Variants in SMARCAD1 observed in about 807,000 individuals in gnomAD.
The protein encoded by SMARCAD1 is SNF2 related chromatin remodeling ATPase with DExD box 1.
A neutral mutation model predicts 127.1 loss-of-function variants in SMARCAD1; 25 were observed. The ratio of observed to expected loss-of-function variants is 0.20; its 90% CI spans 0.14 to 0.27. The LOEUF (loss-of-function observed/expected upper bound fraction) is 0.27, where lower values mean the gene tolerates loss of function less well. SMARCAD1 is among the 10% of genes least tolerant of loss of function. The pLI, the probability that SMARCAD1 is intolerant of heterozygous loss-of-function variation, is 1.00. For synonymous variants in SMARCAD1, 400 were observed against 396.9 expected, an observed-to-expected ratio of 1.01 and a Z score of -0.09; for missense variants, 807 against 1,206.0, an observed-to-expected ratio of 0.67 and a Z score of 4.90.
intron 2 of SMARCAD1, chr4:94,213,088 A>G (rs1020048185): frequency 5.0e-5 from 65 of 1,288,280 alleles, no homozygotes; most frequent in Non-Finnish European, 6.4e-5. Flanking sequence ...AGATCCTACT[A>G]TATTTTATGA....
chr4:94,269,187 A>G (rs1752172131), intron 10 of SMARCAD1, among the ~76,000 whole-genome samples: 1 of 152,222 alleles, frequency 6.6e-6, no homozygotes, highest in Non-Finnish European at 1.5e-5. Context: ...TAAGATGGAC[A>G]TCATTCAACT....
chr4:94,227,273 T>C (rs1745174762), intron 3 of SMARCAD1, among the ~76,000 whole-genome samples: 3 of 152,162 alleles, frequency 2.0e-5, no homozygotes, highest in Non-Finnish European at 4.4e-5. Context: ...AAGGAGGGGC[T>C]TCATCACATT....
Position 94,240,983 on chromosome 4 carries a change from A to G in SMARCAD1, c.682A>G (p.Ile228Val), listed in dbSNP as rs764379408. 1.9e-6 allele frequency: 3 copies of G among 1,611,956 alleles called. No individual in the cohort carries two copies. Among genetic ancestry groups the G allele is most frequent in the East Asian group, 2.2e-5 (1 of 44,788 alleles). The change falls in exon 6 of 24, where the codon ATA (isoleucine) becomes GTA (valine). Residue 228 changes from isoleucine (I) to valine (V), a missense_variant. Physicochemically the swap from Ile to Val is conservative, Grantham distance 29. This residue lies in a region of SMARCAD1 where 257 missense variants were observed against 303.4 expected (regional missense o/e 0.85). Transcript: ENST00000354268. ...EEDEFNDDQS[I>V]KKTRLDHGEE... ...AGATGAATTTAATGATGATCAATCTATAAAAAAGACAAGACTGGATCATGT... is the reference window on the plus strand; with the variant it reads ...AGATGAATTTAATGATGATCAATCTGTAAAAAAGACAAGACTGGATCATGT...
chr4:94,264,391 C>T (rs1228970226), intron 9 of SMARCAD1: 1 of 223,732 alleles, frequency 4.5e-6, no homozygotes, highest in South Asian at 9.1e-5. Flanking sequence ...GAGATAGTAA[C>T]AATTACTTGT....
chr4:94,234,604 T>C (rs1746352548), intron 4 of SMARCAD1, among the ~76,000 whole-genome samples: 2 of 152,306 alleles, frequency 1.3e-5, no homozygotes, highest in South Asian at 4.1e-4. Flanking sequence ...CAAAGGAGTA[T>C]AGTTGAAATG....
chr4:94,243,327 T>A lies in SMARCAD1; in HGVS notation c.705+2321T>A, dbSNP rs186362543. ...TGCAGAAGCAGGTACCATGAGAGTC[T>A]GAGACATCTGCACATGCAATTTATT... is the stretch of plus-strand genomic sequence containing the variant. On this transcript the variant is annotated intron_variant, in intron 6 of 23. Transcript: ENST00000354268. 4.6e-3 allele frequency among the ~76,000 whole-genome samples: 694 copies of A among 152,340 alleles called. 2 individuals carry two copies. The highest frequency in any genetic ancestry group is 8.5e-3 in the Non-Finnish European group (579 of 68,032).
chr4:94,278,774 T>C, intron 18 of SMARCAD1, 41 bp downstream of exon 18: 1 of 1,598,596 alleles, frequency 6.3e-7, no homozygotes. Flanking sequence ...AAAAGAATCT[T>C]GTACTGGGGA....
chr4:94,278,353 G>A, intron 16 of SMARCAD1, 69 bp from the exon 17 acceptor site: 3 of 1,330,024 alleles, frequency 2.3e-6, no homozygotes, highest in East Asian at 4.6e-5. Context: ...TTTATGTTGT[G>A]TAATAATACT....
rs749358298 is a variant in SMARCAD1, at chr4:94,233,911, A to G, written c.369-43A>G. On this transcript the variant is annotated intron_variant, in intron 3 of 23. Coordinates refer to ENST00000354268, the MANE Select transcript of SMARCAD1 (RefSeq NM_020159.5). Reference sequence around the variant, plus strand: ...GACACTATAATGAAATAACATTAGTAATACATTAAAAATGTTTTTTGCTCC... The same window carrying G: ...GACACTATAATGAAATAACATTAGTGATACATTAAAAATGTTTTTTGCTCC... 5.7e-6 allele frequency: 9 copies of G among 1,587,944 alleles called. No homozygotes were observed. The African/African-American group carries it at 1.2e-4, about 21-fold the overall frequency.
intron 12 of SMARCAD1, 116 bp downstream of exon 12, chr4:94,273,832 G>T (rs1752884006): frequency 1.3e-6 from 1 of 771,512 alleles, no homozygotes; most frequent in African/African-American, 1.8e-5. Flanking sequence ...TTGTAGAGAT[G>T]AATATTAATT....
intron 9 of SMARCAD1, among the ~76,000 whole-genome samples, chr4:94,257,734 G>T (rs1750325446): frequency 6.6e-6 from 1 of 151,768 alleles, no homozygotes; most frequent in African/African-American, 2.4e-5. Flanking sequence ...TGCCCATGCT[G>T]CAGATAACTT....
rs1242908978 is a variant in SMARCAD1 at position 94,232,051 on chromosome 4, T to TG, written c.369-1899dup. ...TAATTGTTTTAATTTTTAGTGGAGA[T>TG]GGGGTTTCACCATGTTAGCCAGGCT... On this transcript the variant is annotated intron_variant, in intron 3 of 23. Transcript: ENST00000354268. Among the ~76,000 whole-genome samples the TG allele has an allele frequency of 3.9e-5, 6 of 152,086 alleles. 1 individual carries two copies.
intron 11 of SMARCAD1, 87 bp downstream of exon 11, chr4:94,270,905 T>G (rs1752454839): frequency 2.4e-6 from 3 of 1,244,648 alleles, no homozygotes; most frequent in Non-Finnish European, 2.3e-6. Flanking sequence ...AACTTTTTTT[T>G]GCTACTGTAG....
At chr4:94,272,163 AAGG>A (rs1752624591) in intron 11 of SMARCAD1, among the ~76,000 whole-genome samples, 1 of 152,134 alleles carries the variant, frequency 6.6e-6, no homozygotes, top group African/African-American at 2.4e-5. Context: ...TTCTTCTTAC[AAGG>A]ACAGTCATAT....
At chr4:94,237,736 C>T (rs1746908718) in intron 5 of SMARCAD1, among the ~76,000 whole-genome samples, 1 of 152,118 alleles carries the variant, frequency 6.6e-6, no homozygotes, top group African/African-American at 2.4e-5. Flanking sequence ...GATAGCTTCA[C>T]ATTCCTCTGT....
In SMARCAD1 at chr4:94,274,786, T is replaced by A. The variant is rs1347832446; in HGVS notation, c.1721T>A (p.Leu574His). ...VNLWCPTLKV[L>H]CYYGSQEERK... The stretch of plus-strand genomic sequence containing the variant: ...TTATGGTGCCCTACTTTGAAGGTCC[T>A]CTGTTACTATGGTAAGAATATGTCA... Residue 574 changes from leucine to histidine, a missense_variant, in exon 13 of 24, where the codon CTC becomes CAC. This residue lies in a region of SMARCAD1 where 148 missense variants were observed against 313.2 expected (regional missense o/e 0.47). Transcript: ENST00000354268. 1 of 1,613,774 alleles carries A rather than the reference T, an allele frequency of 6.2e-7. No individual in the cohort carries two copies. The highest frequency in any genetic ancestry group is 8.5e-7 in the Non-Finnish European group (1 of 1,179,802).
intron 20 of SMARCAD1, 46 bp from the exon 21 acceptor site, chr4:94,281,426 G>C: frequency 7.4e-7 from 1 of 1,354,842 alleles, no homozygotes. Context: ...GCTTTGAGTA[G>C]TAAAACGATT....
At chr4:94,232,940 A>G (rs1413817568) in intron 3 of SMARCAD1, among the ~76,000 whole-genome samples, 1 of 152,194 alleles carries the variant, frequency 6.6e-6, no homozygotes, top group Admixed American at 6.5e-5. Flanking sequence ...AGATGGCACC[A>G]CTGCACACCA....
chr4:94,270,293 T>C (rs1752367304), intron 10 of SMARCAD1, among the ~76,000 whole-genome samples: 1 of 152,058 alleles, frequency 6.6e-6, no homozygotes, highest in Admixed American at 6.5e-5. Flanking sequence ...CAGAAAGTAT[T>C]TATTAAACCT....
Sources: gnomAD v4.1 joint callset for allele counts (sites outside exome capture counted in the v4.1 genomes callset) on GRCh38, gnomAD v4.1.1 for gene constraint, gnomAD v4.1.1 regional missense constraint, MANE v1.5 for transcripts, NCBI Gene and HGNC (gene_info 2026-07-23, HGNC 2026-07-21) for gene names.